The following GMDS variants were observed in gnomAD, a reference collection of about 807,000 sequenced individuals.
The protein encoded by GMDS is GDP-mannose 4,6-dehydratase, also known as GDP-mannose 4,6 dehydratase.
Under a neutral mutation model 49.9 loss-of-function variants are expected in GMDS, and 20 were observed. The ratio of observed to expected loss-of-function variants is 0.40; its 90% CI spans 0.28 to 0.58. The LOEUF is 0.58. GMDS is among the 20% of genes least tolerant of loss of function. GMDS has a pLI of 0.42. For synonymous variants in GMDS, 177 were observed against 178.6 expected, an observed-to-expected ratio of 0.99 and a Z score of 0.07; for missense variants, 362 against 481.4, an observed-to-expected ratio of 0.75 and a Z score of 2.32.
intron 8 of GMDS, among the ~76,000 whole-genome samples, chr6:1,741,251 C>T (rs1198935129): frequency 2.6e-5 from 4 of 152,074 alleles, no homozygotes; most frequent in Admixed American, 2.6e-4. Context: ...ACCTTAGACA[C>T]CCTATTGTAC....
chr6:1,887,364 T>C (rs1387117585), intron 7 of GMDS, among the ~76,000 whole-genome samples: 1 of 152,098 alleles, frequency 6.6e-6, no homozygotes, highest in Admixed American at 6.6e-5. Flanking sequence ...GGAAACACTT[T>C]ACAAAACTGC....
chr6:1,711,672 C>A (rs1029125187), intron 9 of GMDS, among the ~76,000 whole-genome samples: 1 of 152,190 alleles, frequency 6.6e-6, no homozygotes, highest in Non-Finnish European at 1.5e-5. Context: ...TTTCCATCCA[C>A]CTTGCTTATC....
At position 1,624,057 on chromosome 6, in the gene GMDS, GGCCGCAGGGGACCCGCAGATTGGCAC is replaced by G. The variant is rs1395998338; in HGVS notation, c.*86_*111del. ...GCCGGGACAGCGCAGCGGCAGCAGG[GGCCGCAGGGGACCCGCAGATTGGCAC>G]GCCGCTCCCCATCCCCGCAGCGCGT... On this transcript the variant is annotated 3_prime_UTR_variant, in exon 11 of 11. Transcript: ENST00000380815. 3 of 922,258 alleles carry G rather than the reference GGCCGCAGGGGACCCGCAGATTGGCAC, an allele frequency of 3.3e-6. No individual in the cohort carries two copies. The highest frequency in any genetic ancestry group is 5.0e-6 in the Non-Finnish European group (3 of 600,532). The allele number at this position is 922,258 out of a possible 1,614,324, so 57.1% of individuals were successfully genotyped here.
intron 7 of GMDS, among the ~76,000 whole-genome samples, chr6:1,788,265 G>A (rs1361374069): frequency 2.0e-5 from 3 of 152,208 alleles, no homozygotes; most frequent in Non-Finnish European, 4.4e-5. Flanking sequence ...AAAGAATGCA[G>A]GGCAGAATTG....
intron 4 of GMDS, among the ~76,000 whole-genome samples, chr6:2,032,817 G>C (rs1769051303): frequency 6.6e-6 from 1 of 152,210 alleles, no homozygotes; most frequent in Middle Eastern, 3.4e-3. Flanking sequence ...ATAAAACAGA[G>C]GTAGCATTTG....
At chr6:2,153,030 G>C (rs1274418366) in intron 1 of GMDS, among the ~76,000 whole-genome samples, 1 of 152,058 alleles carries the variant, frequency 6.6e-6, no homozygotes, top group Admixed American at 6.6e-5. Context: ...CTGCACTCCA[G>C]CCTGGGCAAG....
At chr6:1,629,248 C>T (rs555269413) in intron 9 of GMDS, among the ~76,000 whole-genome samples, 9 of 152,256 alleles carry the variant, frequency 5.9e-5, no homozygotes, top group South Asian at 2.1e-4. Flanking sequence ...AAAGAGGGAG[C>T]GAATGTCCGA....
At chr6:1,755,441 C>T (rs763952786) in intron 7 of GMDS, among the ~76,000 whole-genome samples, 25 of 152,206 alleles carry the variant, frequency 1.6e-4, no homozygotes, top group Non-Finnish European at 3.7e-4. Flanking sequence ...TGAAAATGGA[C>T]ATACTGCCCA....
At chr6:1,998,202 A>G (rs1239479620) in intron 4 of GMDS, among the ~76,000 whole-genome samples, 2 of 152,238 alleles carry the variant, frequency 1.3e-5, no homozygotes, top group Non-Finnish European at 2.9e-5. Context: ...GAGTTATCAT[A>G]GCTGTGAAAA....
intron 6 of GMDS, among the ~76,000 whole-genome samples, chr6:1,946,579 G>A (rs909827704): frequency 6.6e-6 from 1 of 152,128 alleles, no homozygotes; most frequent in East Asian, 1.9e-4. Context: ...ATTAGCTCAA[G>A]AGCACTTTAC....
At chr6:1,820,774 A>G (rs1165249677) in intron 7 of GMDS, among the ~76,000 whole-genome samples, 1 of 152,220 alleles carries the variant, frequency 6.6e-6, no homozygotes, top group African/African-American at 2.4e-5. Context: ...ATAGTGCTTT[A>G]TAACTGCAAG....
At chr6:1,808,025 AC>A (rs917522820) in intron 7 of GMDS, among the ~76,000 whole-genome samples, 1 of 152,212 alleles carries the variant, frequency 6.6e-6, no homozygotes, top group Non-Finnish European at 1.5e-5. Flanking sequence ...TATATAAATA[AC>A]TAGAAATTCA....
chr6:2,015,047 C>T (rs538476709), intron 4 of GMDS, among the ~76,000 whole-genome samples: 23 of 152,112 alleles, frequency 1.5e-4, no homozygotes, highest in Middle Eastern at 3.4e-3. Context: ...TACAAAAGAA[C>T]AACAAAATTC....
intron 7 of GMDS, among the ~76,000 whole-genome samples, chr6:1,860,801 T>C (rs1401881359): frequency 6.6e-6 from 1 of 152,062 alleles, no homozygotes; most frequent in African/African-American, 2.4e-5. Flanking sequence ...TTTAAGAAGA[T>C]TAAATAAGCT....
chr6:2,082,275 C>T (rs1472882732), intron 4 of GMDS, among the ~76,000 whole-genome samples: 2 of 152,102 alleles, frequency 1.3e-5, no homozygotes, highest in African/African-American at 4.8e-5. Context: ...GTCATTCCCT[C>T]GATGCACTTC....
At chr6:2,225,526 T>A (rs1780776558) in intron 1 of GMDS, among the ~76,000 whole-genome samples, 1 of 152,196 alleles carries the variant, frequency 6.6e-6, no homozygotes, top group Non-Finnish European at 1.5e-5. Context: ...TTCCATAAGT[T>A]CATTCTGAAG....
chr6:1,738,291 G>A (rs1225951792), intron 8 of GMDS, among the ~76,000 whole-genome samples: 1 of 152,146 alleles, frequency 6.6e-6, no homozygotes, highest in South Asian at 2.1e-4. Flanking sequence ...AATTTAAAAC[G>A]TTACCTTACA....
chr6:1,792,717 T>C (rs986379785), intron 7 of GMDS, among the ~76,000 whole-genome samples: 4 of 152,210 alleles, frequency 2.6e-5, no homozygotes, highest in Non-Finnish European at 5.9e-5. Context: ...AAAAGTCATT[T>C]CCAAAATTTA....
chr6:1,822,103 C>T (rs955006812), intron 7 of GMDS, among the ~76,000 whole-genome samples: 9 of 152,180 alleles, frequency 5.9e-5, no homozygotes, highest in Admixed American at 2.0e-4. Flanking sequence ...AAACAGACGG[C>T]TATGACAACT....
Sources: gnomAD v4.1 joint callset for allele counts (sites outside exome capture counted in the v4.1 genomes callset) on GRCh38, gnomAD v4.1.1 for gene constraint, MANE v1.5 for transcripts, NCBI Gene and HGNC (gene_info 2026-07-23, HGNC 2026-07-21) for gene names.